KAZN: variants seen among roughly 807,000 people sequenced by gnomAD.
KAZN encodes kazrin.
Under a neutral mutation model 87.4 loss-of-function variants are expected in KAZN, and 40 were observed. The ratio of observed to expected loss-of-function variants is 0.46; its 90% confidence interval spans 0.36 to 0.60. The LOEUF is 0.60. KAZN is among the 20% of genes least tolerant of loss of function. The probability of loss-of-function intolerance (pLI) is 0.00; values close to 1 mark genes in which losing one functional copy is unlikely to be tolerated. For missense variants in KAZN, 898 were observed against 1,073.9 expected (o/e 0.84, Z 2.29); for synonymous variants, 466 against 458.3 (o/e 1.02, Z -0.22).
At chr1:15,013,170 G>A (rs1480241760) in intron 2 of KAZN, among the ~76,000 whole-genome samples, 2 of 152,196 alleles carry the variant, frequency 1.3e-5, no homozygotes, top group Non-Finnish European at 2.9e-5. Flanking sequence ...TCTGGCCTCT[G>A]CACCTGTACA....
At chr1:15,007,086 G>C (rs997787037) in intron 2 of KAZN, among the ~76,000 whole-genome samples, 4 of 126,570 alleles carry the variant, frequency 3.2e-5, no homozygotes, top group African/African-American at 1.2e-4. Context: ...AAGAAAAACA[G>C]AAAATTCCAG....
At chr1:14,174,888 G>A (rs780182305) in intron 1 of KAZN, among the ~76,000 whole-genome samples, 32 of 152,138 alleles carry the variant, frequency 2.1e-4, no homozygotes, top group Admixed American at 3.9e-4. Context: ...GTAAGTAGGG[G>A]CCATGTGATG....
chr1:14,512,687 G>A (rs1221848109), intron 2 of KAZN, among the ~76,000 whole-genome samples: 3 of 152,216 alleles, frequency 2.0e-5, no homozygotes, highest in Admixed American at 6.5e-5. Flanking sequence ...ACAGCCTGCC[G>A]GCTGCTGTTC....
intron 2 of KAZN, among the ~76,000 whole-genome samples, chr1:14,543,078 AG>A (rs1438764621): frequency 6.6e-6 from 1 of 152,208 alleles, no homozygotes; most frequent in Non-Finnish European, 1.5e-5. Context: ...GCTCCTAACT[AG>A]CTGGGTCACC....
At chr1:14,661,848 G>A (rs991015879) in intron 1 of KAZN, among the ~76,000 whole-genome samples, 1 of 152,040 alleles carries the variant, frequency 6.6e-6, no homozygotes, top group Non-Finnish European at 1.5e-5. Flanking sequence ...TCTGGGAGGC[G>A]GAGGTTACAG....
At chr1:14,562,132 G>A (rs1674295709) in intron 2 of KAZN, among the ~76,000 whole-genome samples, 1 of 152,128 alleles carries the variant, frequency 6.6e-6, no homozygotes, top group African/African-American at 2.4e-5. Context: ...GAGGACACAC[G>A]ACTGCCATTC....
Position 15,048,752 on chromosome 1 carries a change from TCGATCC to T in KAZN, c.726+4594_726+4599del, listed in dbSNP as rs1300228206. Among the ~76,000 whole-genome samples the T allele has an allele frequency of 1.0e-4, 15 of 148,448 alleles. 1 individual carries two copies. Among genetic ancestry groups the T allele is most frequent in the East Asian group, 6.5e-4 (3 of 4,612 alleles). ...GTCATGGGTCGTCGATCCTGGGTCG[TCGATCC>T]TGGGTCGTCGATCCTGGGTCGTTGA... On this transcript the variant is annotated intron_variant, in intron 4 of 14. Coordinates refer to ENST00000376030, the MANE Select transcript of KAZN (RefSeq NM_201628.3).
chr1:14,763,867 A>G (rs564485344), intron 1 of KAZN, among the ~76,000 whole-genome samples: 127 of 152,266 alleles, frequency 8.3e-4, no homozygotes, highest in Middle Eastern at 3.4e-3. Flanking sequence ...CTCCTGCCTC[A>G]GCCTCCCAAG....
intron 2 of KAZN, among the ~76,000 whole-genome samples, chr1:14,571,046 C>A (rs1360296305): frequency 6.6e-6 from 1 of 152,082 alleles, no homozygotes; most frequent in Non-Finnish European, 1.5e-5. Context: ...TTTTCCATGC[C>A]CCGACCTCAA....
intron 1 of KAZN, among the ~76,000 whole-genome samples, chr1:14,848,328 C>T (rs962024613): frequency 1.3e-5 from 2 of 152,244 alleles, no homozygotes; most frequent in Admixed American, 6.5e-5. Context: ...TCAGTTCTAG[C>T]TCTGCCTCTG....
At chr1:14,708,119 A>T (rs1404035618) in intron 1 of KAZN, among the ~76,000 whole-genome samples, 1 of 152,094 alleles carries the variant, frequency 6.6e-6, no homozygotes, top group African/African-American at 2.4e-5. Flanking sequence ...CCAGAGGTGG[A>T]TACTTTAGTG....
At chr1:14,191,813 C>T (rs1646424723) in intron 2 of KAZN, among the ~76,000 whole-genome samples, 1 of 152,146 alleles carries the variant, frequency 6.6e-6, no homozygotes, top group Admixed American at 6.5e-5. Flanking sequence ...AACTGCACAG[C>T]AGCTGCCTCA....
At chr1:14,577,465 C>G (rs1317864820) in intron 2 of KAZN, among the ~76,000 whole-genome samples, 1 of 152,168 alleles carries the variant, frequency 6.6e-6, no homozygotes. Context: ...CAAAACTAAT[C>G]TCTTTGGCAC....
At chr1:14,149,148 C>A (rs1470323991) in intron 1 of KAZN, among the ~76,000 whole-genome samples, 1 of 145,318 alleles carries the variant, frequency 6.9e-6, no homozygotes, top group Non-Finnish European at 1.5e-5. Flanking sequence ...GTTGCCCAGG[C>A]TGGAGTGCAG....
chr1:14,351,577 A>G (rs1240854536), intron 2 of KAZN, among the ~76,000 whole-genome samples: 1 of 152,104 alleles, frequency 6.6e-6, no homozygotes, highest in East Asian at 1.9e-4. Flanking sequence ...ACAAACAAAC[A>G]AACAAAACAT....
At position 14,952,493 on chromosome 1, in the gene KAZN, A is replaced by G. The variant is rs181080577; in HGVS notation, c.227-8191A>G. Among the ~76,000 whole-genome samples the G allele has an allele frequency of 7.1e-3, 1,076 of 151,678 alleles. 15 individuals are homozygous for G. The highest frequency in any genetic ancestry group is 0.025 in the African/African-American group (1,047 of 41,308). Reference sequence around the variant, plus strand: ...TGAAACATGCTACTGCTATATTTAGATTTTTTTTTCTTGGGGTATAATTCA... The same window carrying G: ...TGAAACATGCTACTGCTATATTTAGGTTTTTTTTTCTTGGGGTATAATTCA... On this transcript the variant is annotated intron_variant, in intron 1 of 14. Coordinates refer to ENST00000376030, the MANE Select transcript of KAZN (RefSeq NM_201628.3).
chr1:14,319,681 C>T (rs1054221613), intron 2 of KAZN, among the ~76,000 whole-genome samples: 4 of 152,156 alleles, frequency 2.6e-5, no homozygotes, highest in Non-Finnish European at 4.4e-5. Flanking sequence ...GGCAGAACAT[C>T]AGGGCAGCCA....
chr1:14,341,660 A>T (rs754862120), intron 2 of KAZN, among the ~76,000 whole-genome samples: 35 of 152,048 alleles, frequency 2.3e-4, no homozygotes, highest in Non-Finnish European at 3.4e-4. Flanking sequence ...TTTTATTCAG[A>T]TGCCACCTCT....
intron 2 of KAZN, among the ~76,000 whole-genome samples, chr1:14,994,729 G>T (rs76286111): frequency 0.013 from 2,013 of 152,352 alleles, 48 homozygotes; most frequent in African/African-American, 0.046. Flanking sequence ...TGACTTTGGT[G>T]TGTAGCATTT....
Sources: gnomAD v4.1 joint callset for allele counts (sites outside exome capture counted in the v4.1 genomes callset) on GRCh38, gnomAD v4.1.1 for gene constraint, MANE v1.5 for transcripts, NCBI Gene and HGNC (gene_info 2026-07-23, HGNC 2026-07-21) for gene names.